PCDHA13: variants seen among roughly 807,000 people sequenced by gnomAD.
PCDHA13 encodes protocadherin alpha 13, also known as protocadherin alpha-13.
PCDHA13 carries 54 observed loss-of-function variants against 64.8 expected under a neutral mutation model. The ratio of observed to expected loss-of-function variants is 0.83; its 90% CI spans 0.67 to 1.04. The LOEUF (loss-of-function observed/expected upper bound fraction) is 1.04. Among genes scored for constraint, PCDHA13 ranks in the 50% least tolerant of loss-of-function variants. The pLI, the probability that PCDHA13 is intolerant of heterozygous loss-of-function variation, is 0.00. For synonymous variants in PCDHA13, 587 were observed against 564.4 expected (o/e 1.04, Z -0.57); for missense variants, 1,248 against 1,254.3 (o/e 0.99, Z 0.08).
At chr5:140,974,320 CT>C (rs2096622624) in intron 1 of PCDHA13, among the ~76,000 whole-genome samples, 1 of 152,206 alleles carries the variant, frequency 6.6e-6, no homozygotes, top group Non-Finnish European at 1.5e-5. Context: ...GAGAGAGTAG[CT>C]GCTGTGCTAG....
At chr5:140,963,957 A>T (rs1585999636) in intron 1 of PCDHA13, among the ~76,000 whole-genome samples, 1 of 152,230 alleles carries the variant, frequency 6.6e-6, no homozygotes. Flanking sequence ...CACTGGCAGG[A>T]GTGTGACTGA....
chr5:140,929,995 C>A (rs543771321), intron 1 of PCDHA13: 1 of 152,108 alleles, frequency 6.6e-6, no homozygotes, highest in Admixed American at 6.5e-5. Context: ...GGAATGACAC[C>A]CTAAAACATA....
At chr5:140,906,589 C>T (rs2072764004) in intron 1 of PCDHA13, among the ~76,000 whole-genome samples, 1 of 152,220 alleles carries the variant, frequency 6.6e-6, no homozygotes, top group South Asian at 2.1e-4. Context: ...TGACTACCTT[C>T]CTCTACTACT....
chr5:140,980,363 G>A (rs1477868054), intron 2 of PCDHA13, among the ~76,000 whole-genome samples: 1 of 152,204 alleles, frequency 6.6e-6, no homozygotes, highest in Non-Finnish European at 1.5e-5. Context: ...TGGGCGCGGT[G>A]GCTCACACCT....
At chr5:140,950,237 ATTTG>A (rs782102459) in intron 1 of PCDHA13, among the ~76,000 whole-genome samples, 1 of 151,954 alleles carries the variant, frequency 6.6e-6, no homozygotes, top group Non-Finnish European at 1.5e-5. Flanking sequence ...AGTGCCATTA[ATTTG>A]TTCCTAAAGA....
chr5:140,967,257 G>A (rs782706939), intron 1 of PCDHA13: 2 of 1,613,486 alleles, frequency 1.2e-6, no homozygotes, highest in East Asian at 2.2e-5. Flanking sequence ...GTGGCGCCTG[G>A]AGCGCGCTTT....
chr5:140,954,091 A>G (rs1055518318), intron 1 of PCDHA13, among the ~76,000 whole-genome samples: 1 of 152,204 alleles, frequency 6.6e-6, no homozygotes, highest in African/African-American at 2.4e-5. Flanking sequence ...AGCTCCATCC[A>G]TGTCCCTGCA....
At chr5:140,954,287 TG>T (rs1353316805) in intron 1 of PCDHA13, among the ~76,000 whole-genome samples, 1 of 152,248 alleles carries the variant, frequency 6.6e-6, no homozygotes, top group Non-Finnish European at 1.5e-5. Flanking sequence ...TATATTCCTT[TG>T]GGTACATACC....
intron 3 of PCDHA13, among the ~76,000 whole-genome samples, chr5:141,003,906 T>C (rs2153979379): frequency 6.6e-6 from 1 of 152,260 alleles, no homozygotes; most frequent in South Asian, 2.1e-4. Context: ...TTCATTTGGG[T>C]CTTGACTGCA....
chr5:141,005,701 CAAAAA>C (rs59860837), intron 3 of PCDHA13, among the ~76,000 whole-genome samples: 1 of 7,786 alleles, frequency 1.3e-4, no homozygotes, highest in Non-Finnish European at 2.7e-4. Context: ...AACTCCGTCT[CAAAAA>C]AAAAAAAAAA....
At chr5:140,982,318 G>A (rs2096977750) in intron 2 of PCDHA13, 157 bp from the exon 3 acceptor site, 3 of 1,356,910 alleles carry the variant, frequency 2.2e-6, no homozygotes, top group Non-Finnish European at 2.9e-6. Context: ...AGTTTATGCA[G>A]GGTGACTGCT....
chr5:140,927,529 C>G, intron 1 of PCDHA13: 2 of 1,614,098 alleles, frequency 1.2e-6, no homozygotes, highest in South Asian at 1.1e-5. Flanking sequence ...GCTACCTGCC[C>G]GCTCAGGAGA....
chr5:140,990,155 G>A (rs1483856647), intron 3 of PCDHA13, among the ~76,000 whole-genome samples: 2 of 152,076 alleles, frequency 1.3e-5, no homozygotes, highest in Admixed American at 6.5e-5. Context: ...ATAATAGAAA[G>A]TTAGGGTATG....
At chr5:140,907,720 C>T (rs1554193113) in intron 1 of PCDHA13, among the ~76,000 whole-genome samples, 1 of 152,208 alleles carries the variant, frequency 6.6e-6, no homozygotes, top group Non-Finnish European at 1.5e-5. Context: ...CATGTGTAAC[C>T]TCCATCCCTG....
chr5:140,907,136 G>A (rs115442963), intron 1 of PCDHA13, among the ~76,000 whole-genome samples: 1,721 of 152,234 alleles, frequency 0.011, 29 homozygotes, highest in African/African-American at 0.038. Flanking sequence ...TGTGAATTCC[G>A]GCTATGGGAG....
intron 3 of PCDHA13, among the ~76,000 whole-genome samples, chr5:141,008,228 T>C (rs2098365726): frequency 1.3e-5 from 2 of 152,210 alleles, no homozygotes; most frequent in African/African-American, 4.8e-5. Context: ...GTTAGAAAAT[T>C]ACTGCTCAGG....
At chr5:140,975,562 A>T (rs1445534188) in intron 1 of PCDHA13, among the ~76,000 whole-genome samples, 2 of 152,206 alleles carry the variant, frequency 1.3e-5, no homozygotes, top group African/African-American at 4.8e-5. Flanking sequence ...GGAAAAGGAG[A>T]TATTATATGC....
intron 1 of PCDHA13, among the ~76,000 whole-genome samples, chr5:140,916,315 A>C (rs1554197391): frequency 3.9e-5 from 6 of 152,204 alleles, no homozygotes; most frequent in Non-Finnish European, 8.8e-5. Context: ...GGTGCAAGAC[A>C]AAGTCCCCTT....
intron 1 of PCDHA13, among the ~76,000 whole-genome samples, chr5:140,892,759 T>C (rs1422670120): frequency 2.0e-5 from 3 of 152,206 alleles, no homozygotes; most frequent in African/African-American, 4.8e-5. Context: ...ACATTTAAAA[T>C]CCACTCTTCT....
Sources: gnomAD v4.1 joint callset for allele counts (sites outside exome capture counted in the v4.1 genomes callset) on GRCh38, gnomAD v4.1.1 for gene constraint, MANE v1.5 for transcripts, NCBI Gene and HGNC (gene_info 2026-07-23, HGNC 2026-07-21) for gene names.